PRMT2: variants seen among roughly 807,000 people sequenced by gnomAD.
PRMT2 encodes the protein protein arginine methyltransferase 2.
PRMT2 carries 26 observed loss-of-function variants against 57.6 expected under a neutral mutation model. That is an observed-to-expected ratio of 0.45 (90% CI 0.33 to 0.63). The LOEUF is 0.63. PRMT2 is among the 20% of genes least tolerant of loss of function. The pLI is 0.02. For synonymous variants in PRMT2, 219 were observed against 220.0 expected, an observed-to-expected ratio of 1.00 and a Z score of 0.04; for missense variants, 472 against 564.4, an observed-to-expected ratio of 0.84 and a Z score of 1.66.
chr21:46,651,907 G>A (rs369067617), intron 7 of PRMT2: 260 of 1,613,144 alleles, frequency 1.6e-4, no homozygotes, highest in East Asian at 1.6e-3. Flanking sequence ...GCACCTGTGC[G>A]TCTGTCCCTC....
At position 46,663,416 on chromosome 21, in the gene PRMT2, G is replaced by A; in HGVS notation, c.1131G>A (p.Met377Ile). Residue 377 changes from methionine (M) to isoleucine (I), a missense_variant, in exon 11 of 12, where the codon ATG (methionine) becomes ATA (isoleucine). By Grantham distance (10) the Met-to-Ile change is conservative. This residue lies in a region of PRMT2 where 229 missense variants were observed against 217.2 expected (regional missense o/e 1.05). Transcript: ENST00000355680. ...TTHWKQTLFM[M>I]DDPVPVHTGD... ...ACTGGAAGCAGACGCTGTTCATGAT[G>A]GACGACCCAGTCCCTGTCCATACAG... The A allele has an allele frequency of 6.2e-7, 1 of 1,613,982 alleles. No homozygotes were observed. The highest frequency in any genetic ancestry group is 8.5e-7 in the Non-Finnish European group (1 of 1,179,866).
At chr21:46,656,871 G>T (rs909198413) in intron 7 of PRMT2, 1 of 150,992 alleles carries the variant, frequency 6.6e-6, no homozygotes. Context: ...GATGCTAAGA[G>T]AATAAAAAAG....
At chr21:46,641,752 C>T (rs898651303) in intron 3 of PRMT2, among the ~76,000 whole-genome samples, 4 of 147,854 alleles carry the variant, frequency 2.7e-5, no homozygotes, top group African/African-American at 7.5e-5. Flanking sequence ...TGTGTGTATA[C>T]GTGTACACAG....
rs200240146 is a variant in PRMT2, at chr21:46,658,931, A to G, written c.830+11A>G. ...CCTCAGCGCTCTGAAGTAAGTGTCC[A>G]CAGCTGGGACTGGCACCGTCTTGTG... On this transcript the variant is annotated intron_variant, in intron 8 of 11. Coordinates refer to ENST00000355680, the MANE Select transcript of PRMT2 (RefSeq NM_206962.4). 6.3e-4 allele frequency: 1,018 copies of G among 1,608,200 alleles called. 1 individual carries two copies. In the African/African-American group the frequency reaches 0.011, roughly 17 times the overall value.
intron 7 of PRMT2, among the ~76,000 whole-genome samples, chr21:46,654,321 A>T (rs1411062576): frequency 1.3e-5 from 2 of 152,214 alleles, no homozygotes; most frequent in Non-Finnish European, 2.9e-5. Context: ...ACATGTTGCT[A>T]GTTTTTAAAA....
chr21:46,656,750 C>T (rs1000987355), intron 7 of PRMT2: 1 of 152,166 alleles, frequency 6.6e-6, no homozygotes, highest in African/African-American at 2.4e-5. Context: ...AGAAAATCTT[C>T]ATCACCTGGA....
intron 7 of PRMT2, among the ~76,000 whole-genome samples, chr21:46,654,625 AAAT>A (rs2061514020): frequency 6.6e-6 from 1 of 152,268 alleles, no homozygotes; most frequent in South Asian, 2.1e-4. Flanking sequence ...CAGAAAATAA[AAAT>A]AACAATACAA....
At chr21:46,656,451 T>C (rs12626191) in intron 7 of PRMT2, among the ~76,000 whole-genome samples, 29,456 of 152,186 alleles carry the variant, frequency 0.19, 3,093 homozygotes, top group East Asian at 0.32. Context: ...CTACTTGATT[T>C]TGAAGCTACA....
At chr21:46,646,371 C>T (rs777189554) in intron 5 of PRMT2, among the ~76,000 whole-genome samples, 7 of 152,162 alleles carry the variant, frequency 4.6e-5, no homozygotes, top group East Asian at 1.9e-4. Context: ...CCACCTCTGC[C>T]GCCTCTCAGC....
intron 7 of PRMT2, chr21:46,657,945 C>T (rs1426128244): frequency 6.6e-6 from 1 of 152,204 alleles, no homozygotes; most frequent in Non-Finnish European, 1.5e-5. Context: ...TTTGTTTGAG[C>T]TTTTCTAAGT....
intron 7 of PRMT2, chr21:46,654,946 T>G: frequency 1.0e-6 from 1 of 980,566 alleles, no homozygotes; most frequent in Non-Finnish European, 1.2e-6. Flanking sequence ...ATACATAGAG[T>G]GAGAAGCAAA....
chr21:46,637,466 G>A (rs2061193475), intron 3 of PRMT2, among the ~76,000 whole-genome samples: 1 of 152,086 alleles, frequency 6.6e-6, no homozygotes, highest in Non-Finnish European at 1.5e-5. Context: ...GTCACCAACT[G>A]AATAATAGAT....
chr21:46,658,611 C>G, intron 7 of PRMT2, 134 bp from the exon 8 acceptor site: 2 of 1,459,134 alleles, frequency 1.4e-6, no homozygotes, highest in Non-Finnish European at 1.8e-6. Context: ...GCATGGTACA[C>G]TGGCCTAGGC....
At chr21:46,644,181 A>G in intron 4 of PRMT2, 125 bp from the exon 5 acceptor site, 1 of 933,592 alleles carries the variant, frequency 1.1e-6, no homozygotes, top group Non-Finnish European at 1.6e-6. Context: ...AGTTGCTGTC[A>G]TTACCCACTG....
chr21:46,644,559 C>A (rs981523734), intron 5 of PRMT2, 71 bp downstream of exon 5: 5 of 1,443,502 alleles, frequency 3.5e-6, no homozygotes, highest in Non-Finnish European at 4.7e-6. Flanking sequence ...TCTACTGCAA[C>A]GTTCAGAGCA....
At chr21:46,662,967 GCCGTCC>G (rs2061652979) in intron 10 of PRMT2, among the ~76,000 whole-genome samples, 1 of 152,170 alleles carries the variant, frequency 6.6e-6, no homozygotes, top group Non-Finnish European at 1.5e-5. Flanking sequence ...GGGTTGCACA[GCCGTCC>G]TCCTGGCGGG....
chr21:46,635,870 C>T (rs2058496111), intron 1 of PRMT2, 107 bp downstream of exon 1: 1 of 152,414 alleles, frequency 6.6e-6, no homozygotes. Flanking sequence ...ACAGAGGCCT[C>T]CGCCCCCTTT....
intron 3 of PRMT2, 72 bp from the exon 4 acceptor site, chr21:46,643,463 T>TA (rs1298864810): frequency 7.3e-7 from 1 of 1,373,802 alleles, no homozygotes; most frequent in African/African-American, 1.7e-5. Flanking sequence ...GAAACCATCC[T>TA]AATAATATAG....
Position 46,658,828 on chromosome 21 carries a change from G to T in PRMT2, c.738G>T (p.Ala246=), listed in dbSNP as rs371889784. 1.2e-4 allele frequency: 193 copies of T among 1,614,094 alleles called. No homozygotes were observed. The highest frequency in any genetic ancestry group is 3.7e-4 in the Admixed American group (22 of 60,012). ...GGGTCATTTGGCCCACCATGGCTGC[G>T]TTGCACCTTGTGCCCTGCAGTGCTG... ...EDGVIWPTMA[A]LHLVPCSADK... is the part of the protein sequence containing the mutation. Residue 246 remains alanine (A), a synonymous_variant, in exon 8 of 12, where the codon GCG becomes GCT. Coordinates refer to ENST00000355680, the MANE Select transcript of PRMT2 (RefSeq NM_206962.4).
Sources: allele counts gnomAD v4.1 joint callset (sites outside exome capture counted in the v4.1 genomes callset), GRCh38; gene constraint gnomAD v4.1.1; regional missense constraint gnomAD v4.1.1; transcripts MANE v1.5; gene names NCBI Gene and HGNC (gene_info 2026-07-23, HGNC 2026-07-21).